Variants in CLSTN2 observed in about 807,000 individuals in gnomAD.
CLSTN2 encodes calsyntenin-2.
Under a neutral mutation model 101.2 loss-of-function variants are expected in CLSTN2, and 48 were observed. The ratio of observed to expected loss-of-function variants is 0.47; its 90% CI spans 0.38 to 0.60. The LOEUF (loss-of-function observed/expected upper bound fraction) is 0.60. Ranked by LOEUF, CLSTN2 falls within the 20% of genes least tolerant of loss-of-function variation. The pLI, the probability that CLSTN2 is intolerant of heterozygous loss-of-function variation, is 0.00. For synonymous variants in CLSTN2, 481 were observed against 463.6 expected (o/e 1.04, Z -0.48); for missense variants, 1,160 against 1,238.2 (o/e 0.94, Z 0.95).
At chr3:140,218,844 G>A (rs2086235108) in intron 2 of CLSTN2, among the ~76,000 whole-genome samples, 1 of 152,062 alleles carries the variant, frequency 6.6e-6, no homozygotes, top group African/African-American at 2.4e-5. Context: ...AATCCCCCAG[G>A]GGGACAAGAA....
At chr3:140,554,238 A>G (rs1034738573) in intron 10 of CLSTN2, among the ~76,000 whole-genome samples, 1 of 152,226 alleles carries the variant, frequency 6.6e-6, no homozygotes, top group African/African-American at 2.4e-5. Context: ...TTGAGCTATC[A>G]GTTGGCTAGG....
chr3:140,096,505 G>T (rs2008871965), intron 1 of CLSTN2, among the ~76,000 whole-genome samples: 1 of 152,184 alleles, frequency 6.6e-6, no homozygotes, highest in South Asian at 2.1e-4. Flanking sequence ...ATCTTGGCGG[G>T]AGTGCTTTCC....
rs114909833 is a variant in CLSTN2, at chr3:140,163,651, G to C, written c.110-12300G>C. On this transcript the variant is annotated intron_variant, in intron 1 of 16. Transcript: ENST00000458420. ...GTGTGCCATTGCATTGACTTCTTGT[G>C]GGGAGAAGGATGACCATCCAGGGAG... Among the ~76,000 whole-genome samples the C allele has an allele frequency of 7.2e-3, 1,096 of 151,212 alleles. 13 individuals are homozygous for C. The highest frequency in any genetic ancestry group is 0.025 in the African/African-American group (1,042 of 41,106).
chr3:140,221,997 A>G (rs968164383), intron 2 of CLSTN2, among the ~76,000 whole-genome samples: 2 of 152,204 alleles, frequency 1.3e-5, no homozygotes, highest in African/African-American at 4.8e-5. Flanking sequence ...AAATCAGTAT[A>G]TCAGAGAGAT....
intron 6 of CLSTN2, among the ~76,000 whole-genome samples, chr3:140,453,968 C>T (rs1363182161): frequency 6.6e-6 from 1 of 152,224 alleles, no homozygotes; most frequent in African/African-American, 2.4e-5. Context: ...TTCTTTAAGA[C>T]ACTGCTAAAG....
intron 2 of CLSTN2, among the ~76,000 whole-genome samples, chr3:140,399,939 T>C (rs1055545109): frequency 1.3e-5 from 2 of 152,024 alleles, no homozygotes; most frequent in African/African-American, 4.8e-5. Flanking sequence ...CTCTTTACCT[T>C]TGGGTTACTG....
intron 1 of CLSTN2, among the ~76,000 whole-genome samples, chr3:139,972,371 C>T (rs1234309704): frequency 6.6e-6 from 1 of 152,128 alleles, no homozygotes; most frequent in African/African-American, 2.4e-5. Context: ...CTCTGTCCTA[C>T]CTCCAGACTG....
intron 1 of CLSTN2, among the ~76,000 whole-genome samples, chr3:140,172,994 C>T (rs1700479793): frequency 6.6e-6 from 1 of 152,146 alleles, no homozygotes; most frequent in Non-Finnish European, 1.5e-5. Context: ...ATCTCATGTC[C>T]TCACATTTCA....
At chr3:140,027,410 A>G (rs576304257) in intron 1 of CLSTN2, among the ~76,000 whole-genome samples, 1 of 152,144 alleles carries the variant, frequency 6.6e-6, no homozygotes, top group Non-Finnish European at 1.5e-5. Flanking sequence ...CCCCAAACCA[A>G]TGAATGCCAA....
chr3:139,983,469 G>T (rs181884716), intron 1 of CLSTN2, among the ~76,000 whole-genome samples: 2 of 152,098 alleles, frequency 1.3e-5, no homozygotes, highest in African/African-American at 4.8e-5. Context: ...TCACTCCAAG[G>T]CCTTGAAATC....
At chr3:139,977,637 G>A (rs551316425) in intron 1 of CLSTN2, among the ~76,000 whole-genome samples, 25 of 150,984 alleles carry the variant, frequency 1.7e-4, no homozygotes, top group African/African-American at 5.1e-4. Context: ...TTTCTGGGAC[G>A]CTCCTTTGTT....
At chr3:140,123,541 G>A (rs1473636858) in intron 1 of CLSTN2, among the ~76,000 whole-genome samples, 1 of 152,126 alleles carries the variant, frequency 6.6e-6, no homozygotes, top group Non-Finnish European at 1.5e-5. Flanking sequence ...AGTAATCAGG[G>A]ATCCTTGCCC....
chr3:140,460,257 G>A (rs563210511), intron 7 of CLSTN2: 4 of 164,566 alleles, frequency 2.4e-5, no homozygotes, highest in South Asian at 1.6e-4. Flanking sequence ...GCTACCATTC[G>A]ATAGGCTTTT....
At chr3:140,086,439 T>C (rs893267441) in intron 1 of CLSTN2, among the ~76,000 whole-genome samples, 3 of 152,224 alleles carry the variant, frequency 2.0e-5, no homozygotes. Context: ...ATTGAGAATA[T>C]TGATAGTACT....
intron 1 of CLSTN2, among the ~76,000 whole-genome samples, chr3:140,162,036 G>A (rs2010055042): frequency 6.6e-6 from 1 of 152,124 alleles, no homozygotes; most frequent in African/African-American, 2.4e-5. Flanking sequence ...AGTGGGAAGA[G>A]TCTCATTGTT....
intron 1 of CLSTN2, among the ~76,000 whole-genome samples, chr3:140,115,516 A>G (rs1300693290): frequency 6.6e-6 from 1 of 152,158 alleles, no homozygotes; most frequent in Admixed American, 6.5e-5. Context: ...GGCTGAGCAG[A>G]GAAATTTGAA....
chr3:140,517,701 G>C (rs1033650081), intron 8 of CLSTN2, among the ~76,000 whole-genome samples: 2 of 152,182 alleles, frequency 1.3e-5, no homozygotes, highest in Non-Finnish European at 2.9e-5. Flanking sequence ...GTGGACACCA[G>C]TATCTGCTCT....
rs983897 is a variant in CLSTN2, at chr3:139,995,986, T to G, written c.109+60503T>G. Among the ~76,000 whole-genome samples the G allele has an allele frequency of 6.1e-4, 93 of 152,350 alleles. No homozygotes were observed. The East Asian group carries it at 0.017, about 27-fold the overall frequency. Reference sequence around the variant, plus strand: ...AATGTAATAAACACTTGTGAACCTATAGCTCAAACTAAGCATCATATATTA... The same window carrying G: ...AATGTAATAAACACTTGTGAACCTAGAGCTCAAACTAAGCATCATATATTA... On this transcript the variant is annotated intron_variant, in intron 1 of 16. Coordinates refer to ENST00000458420, the MANE Select transcript of CLSTN2 (RefSeq NM_022131.3).
chr3:140,010,176 G>A (rs1422545610), intron 1 of CLSTN2, among the ~76,000 whole-genome samples: 1 of 152,158 alleles, frequency 6.6e-6, no homozygotes, highest in Non-Finnish European at 1.5e-5. Context: ...ATGAATAAAA[G>A]TAACTGTTTG....
Sources: allele counts gnomAD v4.1 joint callset (sites outside exome capture counted in the v4.1 genomes callset), GRCh38; gene constraint gnomAD v4.1.1; transcripts MANE v1.5; gene names NCBI Gene and HGNC (gene_info 2026-07-23, HGNC 2026-07-21).